Variants in CBY2 observed in about 807,000 individuals in gnomAD.
CBY2 encodes the protein chibby family member 2.
Under a neutral mutation model 25.3 loss-of-function variants are expected in CBY2, and 23 were observed. The ratio of observed to expected loss-of-function variants is 0.91; its 90% confidence interval spans 0.65 to 1.29. CBY2 has a LOEUF of 1.29. CBY2 is among the 50% of genes most tolerant of loss of function. CBY2 has a pLI of 0.00. For synonymous variants in CBY2, 279 were observed against 260.2 expected (o/e 1.07, Z -0.70); for missense variants, 642 against 590.7 (o/e 1.09, Z -0.90).
intron 2 of CBY2, chr13:45,703,605 A>G (rs1447671757): frequency 1.3e-6 from 2 of 1,547,258 alleles, no homozygotes; most frequent in Non-Finnish European, 8.7e-7. Context: ...ACTATCTGAG[A>G]GCTCTGTCCA....
chr13:45,713,950 G>A lies in CBY2; in HGVS notation c.925G>A (p.Glu309Lys), dbSNP rs1255873830. The A allele has an allele frequency of 9.8e-6, 15 of 1,531,852 alleles. No individual in the cohort carries two copies. The highest frequency in any genetic ancestry group is 1.2e-5 in the Non-Finnish European group (14 of 1,144,122). The allele number at this position is 1,531,852 out of a possible 1,614,324, so 94.9% of individuals were successfully genotyped here. A position where few individuals can be genotyped will look rare whatever the true frequency, so the allele number is the denominator to read the frequency against. ...GGGCTCCGGCCTCTCCTCCCGCTTC[G>A]AGGAGCCCAAAGGGCCTCCGGCCCG... Reference protein sequence around the residue: ...DQGSGLSSRFEEPKGPPARQE... With the variant: ...DQGSGLSSRFKEPKGPPARQE... The change falls in exon 3 of 3, where the codon GAG becomes AAG. Residue 309 changes from glutamate to lysine, a missense_variant. Coordinates refer to ENST00000310521, the MANE Select transcript of CBY2 (RefSeq NM_152719.3). This position sits in a 1 kb window ranked among gnomAD's most constrained non-coding sequence, Gnocchi z 5.0.
chr13:45,708,643 T>G (rs1374071278), intron 2 of CBY2, among the ~76,000 whole-genome samples: 1 of 152,194 alleles, frequency 6.6e-6, no homozygotes, highest in Non-Finnish European at 1.5e-5. Flanking sequence ...AAAAACAAGT[T>G]TGTTCTGGAT....
rs1245511727 is a variant in CBY2 at position 45,713,507 on chromosome 13, G to A, written c.482G>A (p.Arg161Lys). 1 of 1,614,202 alleles carries A rather than the reference G, an allele frequency of 6.2e-7. No homozygotes were observed. The highest frequency in any genetic ancestry group is 8.5e-7 in the Non-Finnish European group (1 of 1,180,030). The part of the protein sequence containing the change: ...ASFHHKLHHK[R>K]LAKECMLQEE... Reference sequence around the variant, plus strand: ...TTCCACCACAAGCTGCACCACAAGAGGCTGGCCAAGGAGTGCATGCTGCAG... The same window carrying A: ...TTCCACCACAAGCTGCACCACAAGAAGCTGGCCAAGGAGTGCATGCTGCAG... Residue 161 changes from arginine to lysine, a missense_variant, in exon 3 of 3, where the codon AGG becomes AAG. Transcript: ENST00000310521. This position sits in a 1 kb window ranked among gnomAD's most constrained non-coding sequence, Gnocchi z 5.0.
chr13:45,706,701 G>C (rs1168310090), intron 2 of CBY2, among the ~76,000 whole-genome samples: 2 of 152,132 alleles, frequency 1.3e-5, no homozygotes, highest in African/African-American at 2.4e-5. Context: ...AACATTACTG[G>C]GGTGTTCTTG....
At position 45,714,323 on chromosome 13, in the gene CBY2, C is replaced by T; in HGVS notation, c.1298C>T (p.Ala433Val). ...RMEMLIEELY[A>V]FMPARSQDPK... is the part of the protein sequence containing the mutation. ...GAAATGCTCATCGAGGAGCTCTACG[C>T]CTTCATGCCGGCCAGGAGCCAGGAC... Residue 433 changes from alanine to valine, a missense_variant, in exon 3 of 3, where the codon GCC (alanine) becomes GTC (valine). Ala to Val is a moderately conservative substitution (Grantham distance 64, BLOSUM62 0). Coordinates refer to ENST00000310521, the MANE Select transcript of CBY2 (RefSeq NM_152719.3). 6.2e-7 allele frequency: 1 copy of T among 1,612,558 alleles called. No homozygotes were observed. The highest frequency in any genetic ancestry group is 1.7e-4 in the Middle Eastern group (1 of 6,056).
At chr13:45,703,551 C>G in intron 2 of CBY2, 2 of 1,551,028 alleles carry the variant, frequency 1.3e-6, no homozygotes, top group Non-Finnish European at 1.7e-6. Flanking sequence ...GCCATGCAAC[C>G]AGAGGGGTTG....
At position 45,713,307 on chromosome 13, in the gene CBY2, C is replaced by G; in HGVS notation, c.282C>G (p.Arg94=). 2.5e-6 allele frequency: 4 copies of G among 1,614,146 alleles called. No homozygotes were observed. Among genetic ancestry groups the G allele is most frequent in the Non-Finnish European group, 3.4e-6 (4 of 1,180,040 alleles). ...MASQHSYPLN[R]FSSVPLDPME... ...GCCAGCACTCCTATCCACTGAACCG[C>G]TTCTCCTCCGTGCCTTTAGACCCCA... The change falls in exon 3 of 3, where the codon CGC becomes CGG. Residue 94 remains arginine, a synonymous_variant. Coordinates refer to ENST00000310521, the MANE Select transcript of CBY2 (RefSeq NM_152719.3). The surrounding 1 kb of genome is among the most constrained non-coding windows in gnomAD (Gnocchi z 5.0).
intron 2 of CBY2, among the ~76,000 whole-genome samples, chr13:45,711,681 G>A (rs1950271024): frequency 6.6e-6 from 1 of 152,116 alleles, no homozygotes; most frequent in African/African-American, 2.4e-5. Flanking sequence ...CTCACAATGG[G>A]AGGCTCAGAA....
chr13:45,703,565 T>C (rs1383992239), intron 2 of CBY2: 1 of 1,551,042 alleles, frequency 6.4e-7, no homozygotes, highest in Admixed American at 2.0e-5. Flanking sequence ...GGGGTTGAAA[T>C]GTAGGATGGA....
chr13:45,705,790 C>A (rs2137502263), intron 2 of CBY2, among the ~76,000 whole-genome samples: 1 of 152,308 alleles, frequency 6.6e-6, no homozygotes, highest in Non-Finnish European at 1.5e-5. Flanking sequence ...ATCCTGGGTC[C>A]TCTCAACTTC....
chr13:45,702,675 GAAAT>G lies in CBY2; in HGVS notation c.76-95_76-92del. 2.9e-6 allele frequency: 3 copies of G among 1,020,308 alleles called. No homozygotes were observed. In the South Asian group the frequency reaches 4.3e-5, roughly 15 times the overall value. 63.2% of individuals were successfully genotyped at this position (1,020,308 alleles called of 1,614,324 possible). On this transcript the variant is annotated intron_variant, in intron 1 of 2. Transcript: ENST00000310521. ...ATAATTGTACATAATTGACAAGAGA[GAAAT>G]AAATGAGTAGAAAGTTCTGTGTTTT...
chr13:45,709,917 T>C (rs958892606), intron 2 of CBY2, among the ~76,000 whole-genome samples: 1 of 152,202 alleles, frequency 6.6e-6, no homozygotes, highest in African/African-American at 2.4e-5. Context: ...GAAGTGGGTT[T>C]GTGTCTTAGT....
At position 45,704,739 on chromosome 13, in the gene CBY2, C is replaced by A. The variant is rs1285189936; in HGVS notation, c.156+1884C>A. ...TTACAGGTACAGGAACCGGCAACCC[C>A]AGGAACCCCACTAGTAATGGCAGAG... is the stretch of plus-strand genomic sequence containing the variant. On this transcript the variant is annotated intron_variant, in intron 2 of 2. Coordinates refer to ENST00000310521, the MANE Select transcript of CBY2 (RefSeq NM_152719.3). This position sits in a 1 kb window ranked among gnomAD's most constrained non-coding sequence, Gnocchi z 4.1. Among the ~76,000 whole-genome samples, 1 of 152,202 alleles carries A rather than the reference C, an allele frequency of 6.6e-6. No homozygotes were observed. Among genetic ancestry groups the A allele is most frequent in the Non-Finnish European group, 1.5e-5 (1 of 68,026 alleles).
At position 45,714,237 on chromosome 13, in the gene CBY2, C is replaced by T; in HGVS notation, c.1212C>T (p.Asn404=). 1 of 1,613,080 alleles carries T rather than the reference C, an allele frequency of 6.2e-7. No individual in the cohort carries two copies. The highest frequency in any genetic ancestry group is 8.5e-7 in the Non-Finnish European group (1 of 1,179,898). Residue 404 remains asparagine (N), a synonymous_variant, in exon 3 of 3, where the codon AAC becomes AAT. Coordinates refer to ENST00000310521, the MANE Select transcript of CBY2 (RefSeq NM_152719.3). ...QEENKALWEN[N]KLKLQQKLVI... Reference sequence around the variant, plus strand: ...AGAACAAGGCCCTGTGGGAGAACAACAAGCTGAAGCTGCAGCAGAAGCTGG... The same window carrying T: ...AGAACAAGGCCCTGTGGGAGAACAATAAGCTGAAGCTGCAGCAGAAGCTGG...
At chr13:45,707,408 T>A (rs1028385691) in intron 2 of CBY2, among the ~76,000 whole-genome samples, 1 of 152,162 alleles carries the variant, frequency 6.6e-6, no homozygotes, top group African/African-American at 2.4e-5. Flanking sequence ...GCTTATCAAA[T>A]ACACTAACTA....
chr13:45,708,833 T>A (rs1475796914), intron 2 of CBY2, among the ~76,000 whole-genome samples: 1 of 152,206 alleles, frequency 6.6e-6, no homozygotes, highest in Non-Finnish European at 1.5e-5. Flanking sequence ...CTTGGTCCTG[T>A]CTGAGGATAG....
At position 45,714,119 on chromosome 13, in the gene CBY2, C is replaced by T. The variant is rs1171465321; in HGVS notation, c.1094C>T (p.Ala365Val). ...CAGCTGCTGAGAGAGATGAGGCAGG[C>T]GCTGCAGGCCCTGCTCAAGGAGAAC... ...PLQLLREMRQ[A>V]LQALLKENRL... The change falls in exon 3 of 3, where the codon GCG becomes GTG. Residue 365 changes from alanine (A) to valine (V), a missense_variant. By Grantham distance (64) the Ala-to-Val change is moderately conservative. Coordinates refer to ENST00000310521, the MANE Select transcript of CBY2 (RefSeq NM_152719.3). 2 of 1,566,516 alleles carry T rather than the reference C, an allele frequency of 1.3e-6. No individual in the cohort carries two copies. Among genetic ancestry groups the T allele is most frequent in the Non-Finnish European group, 1.7e-6 (2 of 1,154,422 alleles).
intron 2 of CBY2, chr13:45,703,497 T>C (rs1426070313): frequency 1.3e-6 from 2 of 1,550,188 alleles, no homozygotes; most frequent in African/African-American, 2.7e-5. Flanking sequence ...AAGGGGTGGC[T>C]TTGCTTTCTC....
Position 45,713,270 on chromosome 13 carries a change from G to C in CBY2, c.245G>C (p.Arg82Pro), listed in dbSNP as rs1248037417. 6.2e-6 allele frequency: 10 copies of C among 1,613,842 alleles called. No individual in the cohort carries two copies. The highest frequency in any genetic ancestry group is 7.6e-6 in the Non-Finnish European group (9 of 1,179,988). Reference sequence around the variant, plus strand: ...CAGGCCGCCCTGCCCCGGCTGAGCCGCAGGATGGCGAGCCAGCACTCCTAT... The same window carrying C: ...CAGGCCGCCCTGCCCCGGCTGAGCCCCAGGATGGCGAGCCAGCACTCCTAT... ...AQQAALPRLS[R>P]RMASQHSYPL... is the part of the protein sequence containing the mutation. The change falls in exon 3 of 3, where the codon CGC (arginine) becomes CCC (proline). Residue 82 changes from arginine (R) to proline (P), a missense_variant. Physicochemically the swap from Arg to Pro is moderately radical, Grantham distance 103. Coordinates refer to ENST00000310521, the MANE Select transcript of CBY2 (RefSeq NM_152719.3). This position sits in a 1 kb window ranked among gnomAD's most constrained non-coding sequence, Gnocchi z 5.0.
Sources: allele counts gnomAD v4.1 joint callset (sites outside exome capture counted in the v4.1 genomes callset), GRCh38; gene constraint gnomAD v4.1.1; non-coding constraint Gnocchi (gnomAD v3.1); transcripts MANE v1.5; gene names NCBI Gene and HGNC (gene_info 2026-07-23, HGNC 2026-07-21).